ARHGAP29: variants seen among roughly 807,000 people sequenced by gnomAD.
The protein encoded by ARHGAP29 is Rho GTPase activating protein 29.
A neutral mutation model predicts 122.6 loss-of-function variants in ARHGAP29; 43 were observed. The observed-to-expected ratio is 0.35, with a 90% CI of 0.27 to 0.45. The LOEUF is 0.45. Ranked by LOEUF, ARHGAP29 falls within the 20% of genes least tolerant of loss-of-function variation. The pLI is 1.00. For synonymous variants in ARHGAP29, 506 were observed against 497.1 expected, an observed-to-expected ratio of 1.02 and a Z score of -0.24; for missense variants, 1,303 against 1,477.2, an observed-to-expected ratio of 0.88 and a Z score of 1.93.
At chr1:94,184,385 C>A in intron 18 of ARHGAP29, 97 bp from the exon 19 acceptor site, 2 of 876,484 alleles carry the variant, frequency 2.3e-6, no homozygotes, top group East Asian at 2.8e-5. Flanking sequence ...TCTTTTCACT[C>A]TATTTCAAAT....
At chr1:94,293,691 A>G in the ARHGAP29 span, among the ~76,000 whole-genome samples, 1 of 152,184 alleles carries the variant, frequency 6.6e-6, no homozygotes, top group Non-Finnish European at 1.5e-5. Flanking sequence ...AGATGAATAC[A>G]GATACAGATG....
chr1:94,269,375 C>A (rs1202679140), intron 1 of ARHGAP29, among the ~76,000 whole-genome samples: 2 of 152,120 alleles, frequency 1.3e-5, no homozygotes, highest in South Asian at 2.1e-4. Flanking sequence ...GTAAGTGCCT[C>A]ATTATAGCTG....
chr1:94,181,295 T>C lies in ARHGAP29; in HGVS notation c.2248-1338A>G, dbSNP rs1011074448. On this transcript the variant is annotated intron_variant, in intron 19 of 22. Transcript: ENST00000260526. Reference sequence around the variant, plus strand: ...GAGAAGGCTTAGATCTGTAGATCCCTGTTGCCACTTCACGCTTCTGAGCAG... The same window carrying C: ...GAGAAGGCTTAGATCTGTAGATCCCCGTTGCCACTTCACGCTTCTGAGCAG... 3.9e-5 allele frequency among the ~76,000 whole-genome samples: 6 copies of C among 152,226 alleles called. 1 individual carries two copies. In the East Asian group the frequency reaches 1.2e-3, roughly 29 times the overall value.
intron 1 of ARHGAP29, among the ~76,000 whole-genome samples, chr1:94,262,166 C>G (rs894810727): frequency 6.6e-6 from 1 of 152,120 alleles, no homozygotes; most frequent in Non-Finnish European, 1.5e-5. Flanking sequence ...AAAGGACTCC[C>G]TAGTAAATAA....
chr1:94,245,649 T>C (rs976096674), intron 1 of ARHGAP29, among the ~76,000 whole-genome samples: 6 of 152,144 alleles, frequency 3.9e-5, no homozygotes, highest in Admixed American at 3.3e-4. Context: ...TACTTTCCCA[T>C]AGGATATTCA....
rs565460196 is a variant in ARHGAP29 at position 94,274,906 on chromosome 1, T to C, written c.-33+106A>G. The C allele has an allele frequency of 3.9e-5, 6 of 152,356 alleles. No homozygotes were observed. In the East Asian group the frequency reaches 1.2e-3, roughly 29 times the overall value. The allele number at this position is 152,356 out of a possible 1,614,324, so 9.4% of individuals were successfully genotyped here. On this transcript the variant is annotated intron_variant and NMD_transcript_variant, in intron 1 of 25. Transcript: ENST00000552844. The stretch of plus-strand genomic sequence containing the variant: ...AATGTCACCTGGAGATCTGTTCAAA[T>C]AAATCACCAGTTCGTTTTTAAGGGT...
intron 4 of ARHGAP29, 53 bp from the exon 5 acceptor site, chr1:94,208,957 AG>A: frequency 6.7e-7 from 1 of 1,493,644 alleles, no homozygotes; most frequent in Non-Finnish European, 9.3e-7. Context: ...TCTTTGTGAC[AG>A]GGTTTACATT....
intron 1 of ARHGAP29, among the ~76,000 whole-genome samples, chr1:94,264,202 C>G (rs1654669438): frequency 6.6e-6 from 1 of 152,190 alleles, no homozygotes; most frequent in African/African-American, 2.4e-5. Flanking sequence ...CTGACTATGG[C>G]AACCCTTGAT....
At chr1:94,217,860 CAAAA>C (rs147929517) in intron 3 of ARHGAP29, among the ~76,000 whole-genome samples, 16,646 of 150,942 alleles carry the variant, frequency 0.11, 1,114 homozygotes, top group African/African-American at 0.19. Flanking sequence ...TAAAAAAAAA[CAAAA>C]AAAAAAAAAC....
upstream of ARHGAP29, among the ~76,000 whole-genome samples, chr1:94,242,183 C>T (rs1050749999): frequency 2.6e-5 from 4 of 152,220 alleles, no homozygotes; most frequent in East Asian, 1.9e-4. Flanking sequence ...TATAGATGGA[C>T]GATTCCCAGG....
upstream of ARHGAP29, chr1:94,237,892 G>T: frequency 2.2e-6 from 1 of 448,042 alleles, no homozygotes; most frequent in Non-Finnish European, 3.0e-6. Context: ...TTTCTTATGA[G>T]ACACTTCTGT....
intron 1 of ARHGAP29, among the ~76,000 whole-genome samples, chr1:94,231,976 T>C (rs1022738716): frequency 2.0e-5 from 3 of 152,146 alleles, no homozygotes; most frequent in African/African-American, 7.2e-5. Context: ...TAAACCTGTA[T>C]CTGCCTTGAT....
At position 94,220,297 on chromosome 1, in the gene ARHGAP29, G is replaced by A. The variant is rs1436362931; in HGVS notation, c.301C>T (p.Leu101Phe). The change falls in exon 3 of 23, where the codon CTT becomes TTT. Residue 101 changes from leucine to phenylalanine, a missense_variant. Transcript: ENST00000260526. ...NKHQNLNSVD[L>F]QNAAEMLTAK... is the part of the protein sequence containing the mutation. ...GTGAGCATTTCTGCAGCATTTTGAA[G>A]ATCAACAGAATTGAGGTTCTGATGT... 6.2e-7 allele frequency: 1 copy of A among 1,613,476 alleles called. No homozygotes were observed. Among genetic ancestry groups the A allele is most frequent in the Admixed American group, 1.7e-5 (1 of 59,990 alleles).
intron 12 of ARHGAP29, chr1:94,194,288 T>A (rs912734872): frequency 2.0e-5 from 3 of 152,234 alleles, no homozygotes; most frequent in African/African-American, 7.2e-5. Context: ...AGGTAACTAG[T>A]AATCTCAGAA....
intron 1 of ARHGAP29, chr1:94,247,959 G>A (rs1653893984): frequency 6.6e-6 from 1 of 152,516 alleles, no homozygotes. Context: ...GGCGGGCAGA[G>A]CGACTTAGAG....
intron 1 of ARHGAP29, among the ~76,000 whole-genome samples, chr1:94,269,458 A>G (rs535104535): frequency 3.9e-5 from 6 of 152,334 alleles, no homozygotes; most frequent in African/African-American, 1.4e-4. Flanking sequence ...ACCACTGCCA[A>G]GTTCACCCTG....
intron 6 of ARHGAP29, 52 bp from the exon 7 acceptor site, chr1:94,205,250 A>T: frequency 7.3e-7 from 1 of 1,374,824 alleles, no homozygotes; most frequent in Non-Finnish European, 9.6e-7. Flanking sequence ...TCACATCATA[A>T]CTCCAAACAA....
At chr1:94,218,975 T>G (rs1652116713) in intron 3 of ARHGAP29, among the ~76,000 whole-genome samples, 1 of 152,062 alleles carries the variant, frequency 6.6e-6, no homozygotes, top group South Asian at 2.1e-4. Flanking sequence ...CCCCACCAAG[T>G]CCAGCCCAGT....
chr1:94,178,317 T>C lies in ARHGAP29; in HGVS notation c.2481-150A>G, dbSNP rs368657110. ...CTAGGAAAAGGTTATATTTATTTGA[T>C]TAAAATATTGACCACATGCCAAATA... On this transcript the variant is annotated intron_variant, in intron 20 of 22. Coordinates refer to ENST00000260526, the MANE Select transcript of ARHGAP29 (RefSeq NM_004815.4). The C allele has an allele frequency of 2.2e-5, 16 of 713,230 alleles. No homozygotes were observed. The African/African-American group carries it at 2.5e-4, about 11-fold the overall frequency. The allele number at this position is 713,230 out of a possible 1,614,324, so 44.2% of individuals were successfully genotyped here.
Sources: allele counts gnomAD v4.1 joint callset (sites outside exome capture counted in the v4.1 genomes callset), GRCh38; gene constraint gnomAD v4.1.1; transcripts MANE v1.5; gene names NCBI Gene and HGNC (gene_info 2026-07-23, HGNC 2026-07-21).